The following AGBL1 variants were observed in gnomAD, a reference collection of about 807,000 sequenced individuals.
AGBL1 encodes the protein cytosolic carboxypeptidase 4.
In AGBL1, 130 loss-of-function variants were observed where a neutral mutation model predicts 118.9. The observed-to-expected ratio is 1.09, with a 90% CI of 0.95 to 1.26. The LOEUF (loss-of-function observed/expected upper bound fraction) is 1.26, where lower values mean the gene tolerates loss of function less well. AGBL1 is among the 50% of genes most tolerant of loss of function. The probability of loss-of-function intolerance (pLI) is 0.00; values close to 1 mark genes in which losing one functional copy is unlikely to be tolerated. For synonymous variants in AGBL1, 555 were observed against 478.9 expected, an observed-to-expected ratio of 1.16 and a Z score of -2.08; for missense variants, 1,584 against 1,298.1, an observed-to-expected ratio of 1.22 and a Z score of -3.38.
intron 17 of AGBL1, among the ~76,000 whole-genome samples, chr15:86,379,653 C>T (rs935597251): frequency 6.6e-6 from 1 of 152,054 alleles, no homozygotes; most frequent in Non-Finnish European, 1.5e-5. Context: ...TATTGTTTTC[C>T]CCAGTTTTGT....
intron 22 of AGBL1, among the ~76,000 whole-genome samples, chr15:86,730,935 C>G (rs1003348265): frequency 1.3e-5 from 2 of 152,074 alleles, no homozygotes; most frequent in Non-Finnish European, 2.9e-5. Flanking sequence ...TCAAGTGATT[C>G]TCTTGCCTCA....
chr15:86,137,601 T>A (rs1210955435), intron 1 of AGBL1, among the ~76,000 whole-genome samples: 1 of 150,718 alleles, frequency 6.6e-6, no homozygotes, highest in Non-Finnish European at 1.5e-5. Context: ...TTGTTTTAAA[T>A]TTTTTTTTTA....
chr15:86,418,598 A>G (rs1311998567), intron 18 of AGBL1, among the ~76,000 whole-genome samples: 1 of 152,120 alleles, frequency 6.6e-6, no homozygotes, highest in African/African-American at 2.4e-5. Context: ...TCTTTTTTCA[A>G]AAATGGAGAC....
chr15:86,769,242 G>A (rs1402000097), intron 22 of AGBL1, among the ~76,000 whole-genome samples: 1 of 141,928 alleles, frequency 7.0e-6, no homozygotes, highest in Non-Finnish European at 1.6e-5. Context: ...AGAGGGAAGA[G>A]ATATTCCATT....
At chr15:86,295,460 A>G (rs2079620157) in intron 17 of AGBL1, 52 bp downstream of exon 17, 1 of 1,501,064 alleles carries the variant, frequency 6.7e-7, no homozygotes. Flanking sequence ...GGTGTCCTTT[A>G]TAGTCTTGGA....
At chr15:86,119,902 A>G (rs1025234258) in intron 1 of AGBL1, among the ~76,000 whole-genome samples, 1 of 152,128 alleles carries the variant, frequency 6.6e-6, no homozygotes, top group Non-Finnish European at 1.5e-5. Flanking sequence ...GAAGAAAAGA[A>G]TTTGTCCATA....
chr15:86,196,037 C>T (rs1198816511), intron 5 of AGBL1, among the ~76,000 whole-genome samples: 1 of 152,046 alleles, frequency 6.6e-6, no homozygotes, highest in Non-Finnish European at 1.5e-5. Context: ...TTTTTAAAAA[C>T]CATAGGATAT....
At chr15:86,494,247 TG>T (rs1257496449) in intron 18 of AGBL1, among the ~76,000 whole-genome samples, 7 of 152,116 alleles carry the variant, frequency 4.6e-5, no homozygotes, top group Non-Finnish European at 8.8e-5. Context: ...GGGTCATGTT[TG>T]TAACAGAAGG....
In AGBL1 at chr15:86,196,843, C is replaced by G. The variant is rs192850508; in HGVS notation, c.489-28071C>G. ...TTTTCCTTTCTCTCTTTCCTCCTCT[C>G]CCTGCATATGCGAATGTGCACATGT... On this transcript the variant is annotated intron_variant, in intron 5 of 22. Coordinates refer to ENST00000614907, the MANE Select transcript of AGBL1 (RefSeq NM_001386094.1). 3.3e-3 allele frequency among the ~76,000 whole-genome samples: 493 copies of G among 150,264 alleles called. 9 individuals carry two copies. The highest frequency in any genetic ancestry group is 0.023 in the Admixed American group (351 of 15,078).
chr15:86,307,588 G>GGAGT (rs2141816594), intron 17 of AGBL1, among the ~76,000 whole-genome samples: 1 of 152,214 alleles, frequency 6.6e-6, no homozygotes, highest in South Asian at 2.1e-4. Flanking sequence ...TATTAAATAT[G>GGAGT]GAGTGAGAAA....
intron 18 of AGBL1, among the ~76,000 whole-genome samples, chr15:86,448,110 A>G (rs1006220055): frequency 2.0e-5 from 3 of 152,180 alleles, no homozygotes; most frequent in Non-Finnish European, 2.9e-5. Flanking sequence ...ACGCCACTGC[A>G]CTCCAGCCTG....
At chr15:86,170,237 T>C (rs1436518624) in intron 5 of AGBL1, among the ~76,000 whole-genome samples, 1 of 152,132 alleles carries the variant, frequency 6.6e-6, no homozygotes. Flanking sequence ...ACACACTGGA[T>C]TGAATTAAAG....
intron 19 of AGBL1, among the ~76,000 whole-genome samples, chr15:86,534,440 T>C (rs1041378424): frequency 3.3e-5 from 5 of 152,318 alleles, no homozygotes; most frequent in Middle Eastern, 3.4e-3. Flanking sequence ...TCTTCTGCCC[T>C]GTGAAATTGA....
rs550694278 is a variant in AGBL1 at position 86,739,275 on chromosome 15, C to T, written c.3158+64839C>T. On this transcript the variant is annotated intron_variant, in intron 22 of 22. Transcript: ENST00000614907. Reference sequence around the variant, plus strand: ...CCTGACAAACATGGAAAAACCTTGTCTCTATTAAAAATACAAAATTAGCCG... The same window carrying T: ...CCTGACAAACATGGAAAAACCTTGTTTCTATTAAAAATACAAAATTAGCCG... Among the ~76,000 whole-genome samples, 26 of 151,566 alleles carry T rather than the reference C, an allele frequency of 1.7e-4. No individual in the cohort carries two copies. The East Asian group carries it at 3.9e-3, about 23-fold the overall frequency.
chr15:86,193,369 G>T (rs1042789915), intron 5 of AGBL1, among the ~76,000 whole-genome samples: 2 of 152,204 alleles, frequency 1.3e-5, no homozygotes, highest in African/African-American at 2.4e-5. Flanking sequence ...TTTGGGTGAA[G>T]AATTTTTCAC....
intron 18 of AGBL1, among the ~76,000 whole-genome samples, chr15:86,517,561 A>G (rs1184668595): frequency 6.6e-6 from 1 of 152,144 alleles, no homozygotes; most frequent in Non-Finnish European, 1.5e-5. Flanking sequence ...TGGCTTTCCC[A>G]TTTCTGGGCT....
chr15:86,278,453 A>C lies in AGBL1; in HGVS notation c.2076-1186A>C, dbSNP rs924155280. Among the ~76,000 whole-genome samples the C allele has an allele frequency of 2.1e-5, 3 of 140,502 alleles. No homozygotes were observed. In the Admixed American group the frequency reaches 2.2e-4, roughly 10 times the overall value. The allele number at this position is 140,502 out of a possible 152,430, so 92.2% of individuals were successfully genotyped here. A position where few individuals can be genotyped will look rare whatever the true frequency, so the allele number is the denominator to read the frequency against. ...CCATTCCGAGGTGTATAAATATTGA[A>C]AAGCCACAAAACCATGAGAAATAAA... On this transcript the variant is annotated intron_variant, in intron 15 of 22. Transcript: ENST00000614907.
intron 24 of AGBL1, among the ~76,000 whole-genome samples, chr15:86,990,212 G>T (rs908682619): frequency 6.6e-6 from 1 of 152,078 alleles, no homozygotes; most frequent in South Asian, 2.1e-4. Context: ...ATAGGGGCTT[G>T]GTCAAATAAG....
intron 21 of AGBL1, among the ~76,000 whole-genome samples, chr15:86,560,667 G>A (rs554594459): frequency 6.6e-6 from 1 of 152,298 alleles, no homozygotes; most frequent in South Asian, 2.1e-4. Flanking sequence ...TAATGGGATG[G>A]CTGAGTCAAA....
Sources: gnomAD v4.1 joint callset for allele counts (sites outside exome capture counted in the v4.1 genomes callset) on GRCh38, gnomAD v4.1.1 for gene constraint, MANE v1.5 for transcripts, NCBI Gene and HGNC (gene_info 2026-07-23, HGNC 2026-07-21) for gene names.